The following RBPJ variants were observed in gnomAD, a reference collection of about 807,000 sequenced individuals.
RBPJ encodes the protein recombining binding protein suppressor of hairless.
In RBPJ, 9 loss-of-function variants were observed where a neutral mutation model predicts 67.8. The observed-to-expected ratio is 0.13, with a 90% CI of 0.08 to 0.23. The LOEUF (loss-of-function observed/expected upper bound fraction) is 0.23. RBPJ is among the 10% of genes least tolerant of loss of function. The pLI, the probability that RBPJ is intolerant of heterozygous loss-of-function variation, is 1.00. For missense variants in RBPJ, 305 were observed against 595.6 expected, an observed-to-expected ratio of 0.51 and a Z score of 5.08; for synonymous variants, 198 against 203.3, an observed-to-expected ratio of 0.97 and a Z score of 0.22.
At chr4:26,298,153 C>T (rs987929568) in intron 1 of RBPJ, among the ~76,000 whole-genome samples, 20 of 152,052 alleles carry the variant, frequency 1.3e-4, no homozygotes, top group Non-Finnish European at 2.4e-4. Flanking sequence ...AGCATGCTTT[C>T]CCTCATATTT....
intron 1 of RBPJ, among the ~76,000 whole-genome samples, chr4:26,275,784 C>G (rs1020283569): frequency 7.2e-5 from 11 of 151,978 alleles, no homozygotes; most frequent in Non-Finnish European, 1.3e-4. Flanking sequence ...GCGTGCACCA[C>G]CACACCCAGC....
chr4:26,408,062 A>G (rs959254062), intron 3 of RBPJ, among the ~76,000 whole-genome samples: 4 of 150,956 alleles, frequency 2.6e-5, no homozygotes, highest in Non-Finnish European at 5.9e-5. Flanking sequence ...TTTTATAGAG[A>G]CGGGGTTTCA....
At chr4:26,370,314 C>G (rs575775087) in intron 1 of RBPJ, among the ~76,000 whole-genome samples, 1 of 152,216 alleles carries the variant, frequency 6.6e-6, no homozygotes, top group Non-Finnish European at 1.5e-5. Flanking sequence ...ATCTGAAATT[C>G]TTCTTTATAT....
intron 1 of RBPJ, among the ~76,000 whole-genome samples, chr4:26,285,381 C>A (rs1034187216): frequency 2.0e-5 from 3 of 151,412 alleles, no homozygotes; most frequent in Admixed American, 6.6e-5. Context: ...AAAACACAGC[C>A]GCTTCAAACA....
chr4:26,321,038 G>A lies in RBPJ; in HGVS notation c.10G>A (p.Val4Ile), dbSNP rs769154842. The change falls in exon 1 of 11, where the codon GTT becomes ATT. Residue 4 changes from valine (V) to isoleucine (I), a missense_variant. Transcript: ENST00000355476. MAP[V>I]VTGKFGERPP... ...CGAGAGTTTGTGGAAGATGGCGCCT[G>A]TTGTGACAGGGTAAGTCTGAGGGAA... 2 of 1,612,494 alleles carry A rather than the reference G, an allele frequency of 1.2e-6. No individual in the cohort carries two copies. Among genetic ancestry groups the A allele is most frequent in the Admixed American group, 3.3e-5 (2 of 60,014 alleles).
intron 1 of RBPJ, among the ~76,000 whole-genome samples, chr4:26,339,443 G>A (rs773784330): frequency 6.6e-6 from 1 of 152,100 alleles, no homozygotes; most frequent in African/African-American, 2.4e-5. Context: ...AGACTAGCCT[G>A]GCCGACATGG....
intron 1 of RBPJ, among the ~76,000 whole-genome samples, chr4:26,171,681 G>T (rs922865093): frequency 4.6e-5 from 7 of 152,216 alleles, no homozygotes; most frequent in Non-Finnish European, 2.9e-5. Context: ...GGTGACATCA[G>T]AAAGGATCAA....
intron 3 of RBPJ, among the ~76,000 whole-genome samples, chr4:26,410,523 A>T (rs1446805177): frequency 6.6e-6 from 1 of 152,224 alleles, no homozygotes; most frequent in African/African-American, 2.4e-5. Flanking sequence ...AAGCAGTAGC[A>T]GTAATGATGC....
chr4:26,254,149 T>G (rs1221818619), intron 1 of RBPJ, among the ~76,000 whole-genome samples: 1 of 148,922 alleles, frequency 6.7e-6, no homozygotes, highest in Non-Finnish European at 1.5e-5. Context: ...ACAAGGACAA[T>G]AGCATCCCAG....
the RBPJ span, among the ~76,000 whole-genome samples, chr4:26,126,986 C>T: frequency 2.0e-5 from 3 of 152,136 alleles, no homozygotes; most frequent in South Asian, 6.2e-4. Context: ...GTGTGGTGCC[C>T]CTAGTCTTGA....
intron 1 of RBPJ, among the ~76,000 whole-genome samples, chr4:26,311,693 T>G (rs906848683): frequency 2.6e-5 from 4 of 152,196 alleles, no homozygotes; most frequent in African/African-American, 9.7e-5. Flanking sequence ...ATTTATTGAT[T>G]TTTAAAAAAG....
intron 1 of RBPJ, among the ~76,000 whole-genome samples, chr4:26,250,328 C>CTTTTT (rs869105820): frequency 7.5e-5 from 9 of 120,686 alleles, no homozygotes; most frequent in Admixed American, 1.8e-4. Context: ...GACTCCATTC[C>CTTTTT]TTTTTTTTTT....
At chr4:26,144,010 C>A in the RBPJ span, among the ~76,000 whole-genome samples, 2 of 152,060 alleles carry the variant, frequency 1.3e-5, no homozygotes, top group African/African-American at 4.8e-5. Flanking sequence ...AGAAAAATAT[C>A]TAATGAAAAG....
At chr4:26,257,460 T>G (rs1289251469) in intron 1 of RBPJ, among the ~76,000 whole-genome samples, 1 of 152,064 alleles carries the variant, frequency 6.6e-6, no homozygotes, top group African/African-American at 2.4e-5. Context: ...AGAAACCCCA[T>G]CTCTATTAAA....
At chr4:26,310,690 CAGAG>C (rs745474968) in intron 1 of RBPJ, among the ~76,000 whole-genome samples, 46 of 123,754 alleles carry the variant, frequency 3.7e-4, no homozygotes, top group Non-Finnish European at 6.6e-4. Context: ...TTTTTTGAGA[CAGAG>C]AGTCTTGCTC....
chr4:26,394,454 A>C (rs913433595), intron 2 of RBPJ, among the ~76,000 whole-genome samples: 1 of 152,010 alleles, frequency 6.6e-6, no homozygotes, highest in African/African-American at 2.4e-5. Flanking sequence ...CCACAAGTAT[A>C]ACTTGACTGT....
the RBPJ span, among the ~76,000 whole-genome samples, chr4:26,144,079 A>C: frequency 1.3e-5 from 2 of 152,184 alleles, no homozygotes; most frequent in East Asian, 1.9e-4. Flanking sequence ...ATATAGAATA[A>C]AAATATTTTT....
chr4:26,293,571 G>T (rs1721748432), intron 1 of RBPJ, among the ~76,000 whole-genome samples: 1 of 150,210 alleles, frequency 6.7e-6, no homozygotes, highest in Non-Finnish European at 1.5e-5. Context: ...AGGAGTTCGG[G>T]GCTGCACTGA....
chr4:26,188,822 A>G (rs1319707754), intron 1 of RBPJ, among the ~76,000 whole-genome samples: 1 of 152,222 alleles, frequency 6.6e-6, no homozygotes, highest in East Asian at 1.9e-4. Context: ...TGCATGCATC[A>G]TATAAGATAG....
Sources: gnomAD v4.1 joint callset for allele counts (sites outside exome capture counted in the v4.1 genomes callset) on GRCh38, gnomAD v4.1.1 for gene constraint, MANE v1.5 for transcripts, NCBI Gene and HGNC (gene_info 2026-07-23, HGNC 2026-07-21) for gene names.